Variants in ATP8A2 observed in about 807,000 individuals in gnomAD.
The protein encoded by ATP8A2 is phospholipid-transporting ATPase IB.
In ATP8A2, 100 loss-of-function variants were observed where a neutral mutation model predicts 165.6. The observed-to-expected ratio is 0.60, with a 90% confidence interval of 0.51 to 0.71. ATP8A2 has a LOEUF of 0.71. Ranked by LOEUF, ATP8A2 falls within the 30% of genes least tolerant of loss-of-function variation. ATP8A2 has a pLI of 0.00. For missense variants in ATP8A2, 1,227 were observed against 1,479.5 expected, an observed-to-expected ratio of 0.83 and a Z score of 2.80; for synonymous variants, 543 against 548.8, an observed-to-expected ratio of 0.99 and a Z score of 0.15.
chr13:25,917,622 T>A (rs1459235076), intron 33 of ATP8A2, among the ~76,000 whole-genome samples: 2 of 152,256 alleles, frequency 1.3e-5, no homozygotes, highest in East Asian at 3.8e-4. Flanking sequence ...CTCACTCTAC[T>A]GCATTAGGAA....
At chr13:25,490,402 G>A (rs2036489939) in intron 2 of ATP8A2, among the ~76,000 whole-genome samples, 1 of 152,226 alleles carries the variant, frequency 6.6e-6, no homozygotes, top group African/African-American at 2.4e-5. Context: ...CATGCCTGAA[G>A]CTGCTGTCCT....
chr13:25,983,798 C>G (rs1265903832), intron 35 of ATP8A2, among the ~76,000 whole-genome samples: 2 of 152,056 alleles, frequency 1.3e-5, no homozygotes, highest in African/African-American at 4.8e-5. Context: ...GTAATGATGA[C>G]AAATAGTAGA....
intron 16 of ATP8A2, among the ~76,000 whole-genome samples, chr13:25,569,040 A>G (rs2039395543): frequency 6.6e-6 from 1 of 152,184 alleles, no homozygotes; most frequent in South Asian, 2.1e-4. Flanking sequence ...ATATCTCACT[A>G]CTAGGTTTAC....
In ATP8A2 at chr13:25,953,541, A is replaced by G. The variant is rs1955432017; in HGVS notation, c.3184-8034A>G. Among the ~76,000 whole-genome samples the G allele has an allele frequency of 6.9e-6, 1 of 144,048 alleles. No individual in the cohort carries two copies. Among genetic ancestry groups the G allele is most frequent in the Non-Finnish European group, 1.5e-5 (1 of 65,284 alleles). 94.5% of individuals were successfully genotyped at this position (144,048 alleles called of 152,430 possible). Reference sequence around the variant, plus strand: ...CCTTTTTAAAAAAAAAAAAAAAAAAAAAAAAGCAAGGGAAATAGGCAAGAC... The same window carrying G: ...CCTTTTTAAAAAAAAAAAAAAAAAAGAAAAAGCAAGGGAAATAGGCAAGAC... On this transcript the variant is annotated intron_variant, in intron 33 of 36. Coordinates refer to ENST00000381655, the MANE Select transcript of ATP8A2 (RefSeq NM_016529.6). This position sits in a 1 kb window ranked among gnomAD's most constrained non-coding sequence, Gnocchi z 6.7.
intron 2 of ATP8A2, among the ~76,000 whole-genome samples, chr13:25,522,121 T>G (rs1341110300): frequency 1.3e-5 from 2 of 152,214 alleles, no homozygotes; most frequent in East Asian, 3.8e-4. Context: ...TTTCCATTCT[T>G]TGGTGTCCTC....
chr13:25,909,466 C>G (rs1954040672), intron 33 of ATP8A2, among the ~76,000 whole-genome samples: 1 of 152,138 alleles, frequency 6.6e-6, no homozygotes, highest in Admixed American at 6.5e-5. Flanking sequence ...TGTGAAAGCT[C>G]TGCAAATACA....
chr13:25,580,818 G>T (rs552258745), intron 22 of ATP8A2, among the ~76,000 whole-genome samples: 28 of 152,258 alleles, frequency 1.8e-4, no homozygotes, highest in East Asian at 3.9e-4. Flanking sequence ...TGGGATTACA[G>T]GTGTGAGCCA....
intron 1 of ATP8A2, among the ~76,000 whole-genome samples, chr13:25,423,060 G>T (rs932476307): frequency 6.6e-6 from 1 of 152,028 alleles, no homozygotes; most frequent in African/African-American, 2.4e-5. Context: ...CAACTTTCAC[G>T]TGTCTTCTTT....
intron 2 of ATP8A2, among the ~76,000 whole-genome samples, chr13:25,481,639 C>T (rs2036205128): frequency 6.6e-6 from 1 of 152,206 alleles, no homozygotes; most frequent in African/African-American, 2.4e-5. Context: ...TAGCAAAATA[C>T]ATAGACTGCG....
chr13:25,527,923 G>A (rs1427739882), intron 2 of ATP8A2, among the ~76,000 whole-genome samples: 1 of 152,172 alleles, frequency 6.6e-6, no homozygotes, highest in Non-Finnish European at 1.5e-5. Context: ...TTGCAAGATA[G>A]TTTCTACACT....
rs78391488 is a variant in ATP8A2 at position 25,395,582 on chromosome 13, T to C, written c.76+23294T>C. Among the ~76,000 whole-genome samples, 1,383 of 152,236 alleles carry C rather than the reference T, an allele frequency of 9.1e-3. 23 individuals carry two copies. The highest frequency in any genetic ancestry group is 0.031 in the African/African-American group (1,306 of 41,542). The stretch of plus-strand genomic sequence containing the variant: ...TATGGAGAGCCAGGAAGAGAGATGA[T>C]TGGACAGAAAAGGTGCAATCATAGC... On this transcript the variant is annotated intron_variant, in intron 1 of 36. Transcript: ENST00000381655.
At chr13:25,519,448 C>G (rs1393537540) in intron 2 of ATP8A2, among the ~76,000 whole-genome samples, 4 of 151,990 alleles carry the variant, frequency 2.6e-5, no homozygotes, top group Non-Finnish European at 5.9e-5. Context: ...ACTTGGTTCC[C>G]TTTAGTATCT....
At chr13:25,408,128 C>T (rs189082586) in intron 1 of ATP8A2, among the ~76,000 whole-genome samples, 33 of 152,004 alleles carry the variant, frequency 2.2e-4, no homozygotes, top group African/African-American at 7.7e-4. Context: ...GGTGCAGTGG[C>T]TCATGCCTGT....
intron 12 of ATP8A2, 69 bp downstream of exon 12, chr13:25,553,989 G>A (rs1593521583): frequency 6.6e-7 from 1 of 1,512,132 alleles, no homozygotes; most frequent in Admixed American, 1.9e-5. Context: ...ATTTAATTGA[G>A]CACTCAAAAA....
intron 22 of ATP8A2, among the ~76,000 whole-genome samples, 177 bp downstream of exon 22, chr13:25,580,124 T>C (rs1300844400): frequency 1.3e-5 from 2 of 152,114 alleles, no homozygotes; most frequent in Admixed American, 1.3e-4. Flanking sequence ...TTTCATGGTC[T>C]TTCTGAAAGC....
intron 24 of ATP8A2, among the ~76,000 whole-genome samples, chr13:25,695,248 T>TA (rs1185163728): frequency 6.6e-6 from 1 of 152,204 alleles, no homozygotes; most frequent in East Asian, 1.9e-4. Context: ...TGCCTTAATT[T>TA]AAAAATACTT....
intron 33 of ATP8A2, among the ~76,000 whole-genome samples, chr13:25,937,506 G>T (rs1212154117): frequency 6.6e-6 from 1 of 150,812 alleles, no homozygotes; most frequent in Non-Finnish European, 1.5e-5. Context: ...AATATAAGAA[G>T]ACAGTTCTAT....
At chr13:25,911,988 T>C (rs1212501644) in intron 33 of ATP8A2, among the ~76,000 whole-genome samples, 1 of 152,232 alleles carries the variant, frequency 6.6e-6, no homozygotes, top group South Asian at 2.1e-4. Flanking sequence ...ACTAGAATTG[T>C]CATATGATCC....
intron 1 of ATP8A2, among the ~76,000 whole-genome samples, chr13:25,404,235 T>C (rs1192867169): frequency 6.6e-6 from 1 of 151,974 alleles, no homozygotes; most frequent in South Asian, 2.1e-4. Context: ...ATAAGGAAGC[T>C]GGGGGTGGCA....
Sources: allele counts gnomAD v4.1 joint callset (sites outside exome capture counted in the v4.1 genomes callset), GRCh38; gene constraint gnomAD v4.1.1; non-coding constraint Gnocchi (gnomAD v3.1); transcripts MANE v1.5; gene names NCBI Gene and HGNC (gene_info 2026-07-23, HGNC 2026-07-21).